DENND4C: variants seen among roughly 807,000 people sequenced by gnomAD.
The protein encoded by DENND4C is DENN domain containing 4C.
In DENND4C, 108 loss-of-function variants were observed where a neutral mutation model predicts 203.0. The ratio of observed to expected loss-of-function variants is 0.53; its 90% CI spans 0.46 to 0.62. The LOEUF is 0.62. Ranked by LOEUF, DENND4C falls within the 20% of genes least tolerant of loss-of-function variation. DENND4C has a pLI of 0.00. For synonymous variants in DENND4C, 871 were observed against 792.4 expected (o/e 1.10, Z -1.67); for missense variants, 2,481 against 2,301.2 (o/e 1.08, Z -1.60).
At position 19,345,787 on chromosome 9, in the gene DENND4C, T is replaced by C. The variant is rs527261419; in HGVS notation, c.3152-134T>C. The stretch of plus-strand genomic sequence containing the variant: ...CCAGTGCACTTTTTTTTATACTTTC[T>C]TTATGGCCTCTAAATTTTCTGGATC... On this transcript the variant is annotated intron_variant, in intron 22 of 32. Coordinates refer to ENST00000434457, the MANE Select transcript of DENND4C (RefSeq NM_001330640.2). 1.1e-5 allele frequency: 9 copies of C among 845,858 alleles called. No homozygotes were observed. The African/African-American group carries it at 1.2e-4, about 11-fold the overall frequency. 52.4% of individuals were successfully genotyped at this position (845,858 alleles called of 1,614,324 possible).
At chr9:19,353,087 T>C (rs1402677456) in intron 26 of DENND4C, among the ~76,000 whole-genome samples, 5 of 152,128 alleles carry the variant, frequency 3.3e-5, no homozygotes, top group Non-Finnish European at 7.4e-5. Flanking sequence ...AGTGAGTATA[T>C]ATTTTAGAAG....
At chr9:19,328,827 T>C (rs1421831140) in intron 16 of DENND4C, among the ~76,000 whole-genome samples, 1 of 151,962 alleles carries the variant, frequency 6.6e-6, no homozygotes, top group Non-Finnish European at 1.5e-5. Context: ...GGCAGGTGGA[T>C]CACCTGAGGT....
At chr9:19,324,284 T>A (rs999566222) in intron 12 of DENND4C, 78 bp from the exon 13 acceptor site, 3 of 1,078,974 alleles carry the variant, frequency 2.8e-6, no homozygotes, top group Admixed American at 2.7e-5. Flanking sequence ...GTAATATAGA[T>A]AAGTACAAGT....
chr9:19,270,164 A>G (rs1196347447), intron 1 of DENND4C, among the ~76,000 whole-genome samples: 1 of 152,140 alleles, frequency 6.6e-6, no homozygotes, highest in Non-Finnish European at 1.5e-5. Flanking sequence ...GGGAGGAGTG[A>G]CACAAGCACC....
Position 19,367,176 on chromosome 9 carries a change from TA to T in DENND4C, c.5525-2652del, listed in dbSNP as rs1164781369. Among the ~76,000 whole-genome samples the T allele has an allele frequency of 7.3e-5, 11 of 151,348 alleles. No individual in the cohort carries two copies. The East Asian group carries it at 1.4e-3, about 19-fold the overall frequency. ...TTCATACTTACTAGGATGGCTATAA[TA>T]AAAAAAAATAATAACGAGTTAGTGA... On this transcript the variant is annotated intron_variant, in intron 30 of 32. Coordinates refer to ENST00000434457, the MANE Select transcript of DENND4C (RefSeq NM_001330640.2).
rs898533635 is a variant in DENND4C, at chr9:19,276,376, C to G, written c.202C>G (p.Pro68Ala). The G allele has an allele frequency of 1.5e-5, 19 of 1,231,892 alleles. No individual in the cohort carries two copies. The highest frequency in any genetic ancestry group is 1.3e-4 in the Admixed American group (3 of 23,698). 76.3% of individuals were successfully genotyped at this position (1,231,892 alleles called of 1,614,324 possible). A position where few individuals can be genotyped will look rare whatever the true frequency, so the allele number is the denominator to read the frequency against. ...PEGYTCVEAT[P>A]SALQANLNYG... ...AGGTTACACCTGTGTAGAAGCCACT[C>G]CATCAGCTCTCCAAGCAAACTTGAA... is the stretch of plus-strand genomic sequence containing the variant. Residue 68 changes from proline to alanine, a missense_variant, in exon 2 of 33, where the codon CCA becomes GCA. By Grantham distance (27) the Pro-to-Ala change is conservative. This residue lies in a region of DENND4C where 187 missense variants were observed against 167.4 expected (regional missense o/e 1.12). Coordinates refer to ENST00000434457, the MANE Select transcript of DENND4C (RefSeq NM_001330640.2).
intron 21 of DENND4C, among the ~76,000 whole-genome samples, chr9:19,341,900 G>A (rs561669106): frequency 2.6e-5 from 4 of 152,132 alleles, no homozygotes; most frequent in East Asian, 3.9e-4. Context: ...TGAGGTGGGC[G>A]GATCACGTGG....
At position 19,358,862 on chromosome 9, in the gene DENND4C, G is replaced by C. The variant is rs1270014621; in HGVS notation, c.5160+702G>C. 6.6e-6 allele frequency among the ~76,000 whole-genome samples: 1 copy of C among 151,708 alleles called. No homozygotes were observed. The highest frequency in any genetic ancestry group is 1.9e-4 in the East Asian group (1 of 5,194). ...GATCAGATTTGGGGTTTTTGTGTTA[G>C]TGTTCATTTGCTTGTTTATTTTTGT... is the stretch of plus-strand genomic sequence containing the variant. On this transcript the variant is annotated intron_variant, in intron 28 of 32. Transcript: ENST00000434457. This position sits in a 1 kb window ranked among gnomAD's most constrained non-coding sequence, Gnocchi z 4.8.
chr9:19,239,008 T>TCTATCATTG (rs1219902571), intron 1 of DENND4C, among the ~76,000 whole-genome samples: 1 of 152,066 alleles, frequency 6.6e-6, no homozygotes, highest in Non-Finnish European at 1.5e-5. Flanking sequence ...CGATATGCCT[T>TCTATCATTG]CTATCATTGC....
Position 19,346,381 on chromosome 9 carries a change from A to G in DENND4C, c.3612A>G (p.Thr1204=), listed in dbSNP as rs1290432776. The change falls in exon 23 of 33, where the codon ACA becomes ACG. Residue 1204 remains threonine (T), a synonymous_variant. Transcript: ENST00000434457. ...DVPKTTATVD[T]YESLLSDSNS... is the part of the protein sequence containing the mutation. ...CTAAAACTACTGCAACAGTAGATAC[A>G]TATGAGAGTCTACTAAGTGATAGTA... 2 of 1,614,014 alleles carry G rather than the reference A, an allele frequency of 1.2e-6. No homozygotes were observed. Among genetic ancestry groups the G allele is most frequent in the African/African-American group, 2.7e-5 (2 of 74,922 alleles).
chr9:19,322,091 G>T (rs952595551), intron 12 of DENND4C, among the ~76,000 whole-genome samples: 4 of 152,092 alleles, frequency 2.6e-5, no homozygotes, highest in Non-Finnish European at 5.9e-5. Context: ...GGGTGCGGAG[G>T]GGGCACAAAA....
chr9:19,351,680 G>C (rs777125662), intron 24 of DENND4C, among the ~76,000 whole-genome samples: 1 of 151,788 alleles, frequency 6.6e-6, no homozygotes, highest in Non-Finnish European at 1.5e-5. Flanking sequence ...GGCAGCGTGC[G>C]CCTGTAATCC....
chr9:19,278,875 C>A (rs1002685653), intron 2 of DENND4C, among the ~76,000 whole-genome samples: 2 of 151,994 alleles, frequency 1.3e-5, no homozygotes, highest in African/African-American at 4.8e-5. Context: ...ACTCTGCCCC[C>A]CCAGAAGCTT....
chr9:19,290,243 A>G (rs963452289), intron 4 of DENND4C, among the ~76,000 whole-genome samples: 2 of 152,182 alleles, frequency 1.3e-5, no homozygotes, highest in East Asian at 3.8e-4. Flanking sequence ...TTCATGTTGC[A>G]TGCCTTTTAC....
rs746398141 is a variant in DENND4C at position 19,352,624 on chromosome 9, T to C, written c.4740T>C (p.Pro1580=). The C allele has an allele frequency of 6.2e-7, 1 of 1,612,898 alleles. No homozygotes were observed. Among genetic ancestry groups the C allele is most frequent in the Non-Finnish European group, 8.5e-7 (1 of 1,179,308 alleles). The stretch of plus-strand genomic sequence containing the variant: ...CATTCTGTAAAAGCAACTTCTTGCC[T>C]CTTCTCAATATAGAATTCAAAGATT... The part of the protein sequence containing the change: ...ACPFCKSNFL[P]LLNIEFKDLR... The change falls in exon 26 of 33, where the codon CCT becomes CCC. Residue 1580 remains proline (P), a synonymous_variant. Coordinates refer to ENST00000434457, the MANE Select transcript of DENND4C (RefSeq NM_001330640.2).
chr9:19,288,359 C>G (rs961541584), intron 3 of DENND4C, among the ~76,000 whole-genome samples: 1 of 152,188 alleles, frequency 6.6e-6, no homozygotes, highest in African/African-American at 2.4e-5. Context: ...TTGTGAAATT[C>G]TAAATCTTTT....
At chr9:19,367,599 C>T (rs555963689) in intron 30 of DENND4C, among the ~76,000 whole-genome samples, 4 of 152,264 alleles carry the variant, frequency 2.6e-5, no homozygotes, top group South Asian at 4.1e-4. Flanking sequence ...ATTAGCTGGG[C>T]GTGGTGGCAC....
chr9:19,296,704 AG>A, intron 6 of DENND4C, among the ~76,000 whole-genome samples: 1 of 152,300 alleles, frequency 6.6e-6, no homozygotes, highest in East Asian at 1.9e-4. Context: ...ATTGGATAGT[AG>A]TGGTAAGGTT....
intron 24 of DENND4C, 62 bp downstream of exon 24, chr9:19,350,941 A>G: frequency 6.8e-7 from 1 of 1,476,932 alleles, no homozygotes; most frequent in South Asian, 1.4e-5. Flanking sequence ...TTTTTTTTTA[A>G]TTTAAGAGAC....
Sources: gnomAD v4.1 joint callset for allele counts (sites outside exome capture counted in the v4.1 genomes callset) on GRCh38, gnomAD v4.1.1 for gene constraint, gnomAD v4.1.1 regional missense constraint, Gnocchi (gnomAD v3.1) non-coding constraint, MANE v1.5 for transcripts, NCBI Gene and HGNC (gene_info 2026-07-23, HGNC 2026-07-21) for gene names.